Variants in POLN observed in about 807,000 individuals in gnomAD.
POLN encodes the protein DNA polymerase N.
In POLN, 108 loss-of-function variants were observed where a neutral mutation model predicts 113.5. That is an observed-to-expected ratio of 0.95 (90% CI 0.81 to 1.12). POLN has a LOEUF of 1.12. Among genes scored for constraint, POLN ranks in the 50% most tolerant of loss-of-function variants. The pLI is 0.00. For synonymous variants in POLN, 386 were observed against 391.5 expected (o/e 0.99, Z 0.17); for missense variants, 1,097 against 1,077.1 (o/e 1.02, Z -0.26).
intron 16 of POLN, among the ~76,000 whole-genome samples, chr4:2,132,699 C>A (rs1731755536): frequency 6.6e-6 from 1 of 152,220 alleles, no homozygotes; most frequent in Non-Finnish European, 1.5e-5. Context: ...CCACAACTTC[C>A]ACAGACTGAA....
At chr4:2,182,993 A>C (rs1391722804) in intron 7 of POLN, among the ~76,000 whole-genome samples, 1 of 152,244 alleles carries the variant, frequency 6.6e-6, no homozygotes, top group Non-Finnish European at 1.5e-5. Flanking sequence ...AAAATGGGCA[A>C]AATATTTGAA....
intron 16 of POLN, among the ~76,000 whole-genome samples, chr4:2,145,840 A>G (rs1732124319): frequency 6.6e-6 from 1 of 152,156 alleles, no homozygotes; most frequent in Non-Finnish European, 1.5e-5. Flanking sequence ...CCCAGCATTT[A>G]CTTTTTTTCT....
rs568287948 is a variant in POLN at position 2,156,263 on chromosome 4, A to G, written c.1731+525T>C. The stretch of plus-strand genomic sequence containing the variant: ...CTTTTCTGTATCTAAGGAATTTTCT[A>G]TAATGAGAAATTAATCATGAGTCTT... On this transcript the variant is annotated intron_variant, in intron 16 of 25. Transcript: ENST00000511885. The G allele has an allele frequency of 2.1e-4, 72 of 343,882 alleles. 2 individuals carry two copies. Among genetic ancestry groups the G allele is most frequent in the African/African-American group, 1.3e-3 (61 of 46,750 alleles). 21.3% of individuals were successfully genotyped at this position (343,882 alleles called of 1,614,324 possible).
chr4:2,084,116 C>T (rs755673032), intron 21 of POLN, among the ~76,000 whole-genome samples: 1 of 152,248 alleles, frequency 6.6e-6, no homozygotes, highest in Non-Finnish European at 1.5e-5. Flanking sequence ...CTCCACCCCT[C>T]CTCAGTTACT....
intron 20 of POLN, chr4:2,090,541 A>G (rs1009409037): frequency 3.3e-5 from 16 of 485,012 alleles, no homozygotes; most frequent in African/African-American, 9.9e-5. Flanking sequence ...ATCATCCTCT[A>G]CAGACTGGCC....
chr4:2,160,854 C>T (rs999925232), intron 13 of POLN, among the ~76,000 whole-genome samples: 1 of 152,162 alleles, frequency 6.6e-6, no homozygotes, highest in African/African-American at 2.4e-5. Flanking sequence ...AAGATGTCCT[C>T]TTGTTATATT....
At chr4:2,153,880 G>A (rs967681866) in intron 16 of POLN, among the ~76,000 whole-genome samples, 3 of 151,628 alleles carry the variant, frequency 2.0e-5, no homozygotes, top group Non-Finnish European at 4.4e-5. Flanking sequence ...CACTGCACCC[G>A]GCTGTTATTT....
At position 2,127,712 on chromosome 4, in the gene POLN, G is replaced by A. The variant is rs553829499; in HGVS notation, c.1982+401C>T. Among the ~76,000 whole-genome samples, 5 of 152,204 alleles carry A rather than the reference G, an allele frequency of 3.3e-5. No homozygotes were observed. Among genetic ancestry groups the A allele is most frequent in the Non-Finnish European group, 5.9e-5 (4 of 68,040 alleles). On this transcript the variant is annotated intron_variant, in intron 19 of 25. Coordinates refer to ENST00000511885, the MANE Select transcript of POLN (RefSeq NM_181808.4). This position sits in a 1 kb window ranked among gnomAD's most constrained non-coding sequence, Gnocchi z 4.7. ...GCCACTCAGGCAGGATCTTTCACCC[G>A]CAGCTCAAGAAGCCCCTGGCCCACA...
chr4:2,164,501 C>CAAAA (rs35463696), intron 13 of POLN, among the ~76,000 whole-genome samples: 2 of 81,828 alleles, frequency 2.4e-5, no homozygotes, highest in East Asian at 3.8e-4. Context: ...AACTCTGTCT[C>CAAAA]AAAAAAAAAA....
intron 16 of POLN, among the ~76,000 whole-genome samples, chr4:2,135,596 C>G (rs961711016): frequency 6.6e-6 from 1 of 152,204 alleles, no homozygotes; most frequent in Admixed American, 6.5e-5. Flanking sequence ...ACATACAGCA[C>G]GTGAACTACC....
At chr4:2,193,401 A>G (rs10016105) in intron 6 of POLN, 85 bp from the exon 7 acceptor site, 116,161 of 800,532 alleles carry the variant, frequency 0.15, 14,768 homozygotes, top group African/African-American at 0.52. Context: ...CTCAACTAAC[A>G]GCTATCACTT....
In POLN at chr4:2,193,154, A is replaced by C. The variant is rs1173230651; in HGVS notation, c.1021+50T>G. On this transcript the variant is annotated intron_variant, in intron 7 of 25. Coordinates refer to ENST00000511885, the MANE Select transcript of POLN (RefSeq NM_181808.4). ...TCACCATTCTCCCATTCATAGGAGG[A>C]GTCACAGTTGAAGAGTTAAATTATA... 3.7e-6 allele frequency: 5 copies of C among 1,341,248 alleles called. No homozygotes were observed. The Admixed American group carries it at 9.5e-5, about 25-fold the overall frequency. The allele number at this position is 1,341,248 out of a possible 1,614,324, so 83.1% of individuals were successfully genotyped here. A position where few individuals can be genotyped will look rare whatever the true frequency, so the allele number is the denominator to read the frequency against.
chr4:2,080,620 T>A (rs945094875), intron 23 of POLN: 33 of 1,240,150 alleles, frequency 2.7e-5, no homozygotes, highest in Non-Finnish European at 3.3e-5. Flanking sequence ...GTCCCCAGGG[T>A]CCTGCTCAAG....
intron 13 of POLN, among the ~76,000 whole-genome samples, chr4:2,164,559 T>C (rs568990806): frequency 2.1e-4 from 31 of 149,700 alleles, no homozygotes; most frequent in Middle Eastern, 3.5e-3. Context: ...TCCCAGCACT[T>C]TGGGAGGCCA....
At chr4:2,197,479 G>A (rs1379379198) in intron 6 of POLN, among the ~76,000 whole-genome samples, 2 of 152,126 alleles carry the variant, frequency 1.3e-5, no homozygotes, top group African/African-American at 4.8e-5. Flanking sequence ...AAGACAGCCA[G>A]GCCACAGGAG....
chr4:2,186,239 C>T (rs893168599), intron 7 of POLN, among the ~76,000 whole-genome samples: 3 of 152,200 alleles, frequency 2.0e-5, no homozygotes, highest in African/African-American at 7.2e-5. Context: ...GGAGACCCGT[C>T]CCTGCCACAA....
intron 16 of POLN, among the ~76,000 whole-genome samples, chr4:2,139,194 G>A (rs1200535932): frequency 5.3e-5 from 8 of 152,224 alleles, no homozygotes; most frequent in African/African-American, 1.7e-4. Flanking sequence ...AGAGTGGGGA[G>A]AGGGAGGAGC....
chr4:2,176,403 C>A, intron 8 of POLN, 69 bp from the exon 9 acceptor site: 1 of 1,185,232 alleles, frequency 8.4e-7, no homozygotes, highest in Non-Finnish European at 1.2e-6. Context: ...CAGTCTGTAA[C>A]TGACATGACT....
chr4:2,143,308 T>C (rs978470306), intron 16 of POLN, among the ~76,000 whole-genome samples: 4 of 151,748 alleles, frequency 2.6e-5, no homozygotes, highest in Admixed American at 6.6e-5. Flanking sequence ...TCTCAGTAGA[T>C]TGACAAAGAA....
Sources: gnomAD v4.1 joint callset for allele counts (sites outside exome capture counted in the v4.1 genomes callset) on GRCh38, gnomAD v4.1.1 for gene constraint, Gnocchi (gnomAD v3.1) non-coding constraint, MANE v1.5 for transcripts, NCBI Gene and HGNC (gene_info 2026-07-23, HGNC 2026-07-21) for gene names.